PCDH11X: variants seen among roughly 807,000 people sequenced by gnomAD.
PCDH11X encodes protocadherin 11 X-linked.
In PCDH11X, 18 loss-of-function variants were observed where a neutral mutation model predicts 53.3. The observed-to-expected ratio is 0.34, with a 90% CI of 0.23 to 0.50. The LOEUF (loss-of-function observed/expected upper bound fraction) is 0.50. Among genes scored for constraint, PCDH11X ranks in the 20% least tolerant of loss-of-function variants. The pLI, the probability that PCDH11X is intolerant of heterozygous loss-of-function variation, is 0.98. For synonymous variants in PCDH11X, 279 were observed against 393.3 expected (o/e 0.71, Z 3.44); for missense variants, 570 against 1,032.4 (o/e 0.55, Z 6.14).
chrX:92,186,814 AAGAG>A (rs773037954), intron 6 of PCDH11X, among the ~76,000 whole-genome samples: 9 of 110,719 alleles, frequency 8.1e-5, no homozygotes, highest in East Asian at 5.7e-4. Context: ...AAAGAGCTAA[AAGAG>A]AGAGTTTTGA....
At chrX:92,079,502 C>T (rs2063823567) in intron 6 of PCDH11X, among the ~76,000 whole-genome samples, 1 of 110,693 alleles carries the variant, frequency 9.0e-6, no homozygotes, top group African/African-American at 3.3e-5. Context: ...ATTTAAATCC[C>T]AACTCTGATA....
At chrX:91,898,451 T>C (rs1940833174) in intron 6 of PCDH11X, among the ~76,000 whole-genome samples, 2 of 109,608 alleles carry the variant, frequency 1.8e-5, no homozygotes, top group South Asian at 7.9e-4. Context: ...ATATTGAGTA[T>C]AGCTCTGGGC....
chrX:92,519,188 T>A (rs1282004773), intron 10 of PCDH11X, among the ~76,000 whole-genome samples: 1 of 109,839 alleles, frequency 9.1e-6, no homozygotes, highest in Non-Finnish European at 1.9e-5. Context: ...ATACAATGTA[T>A]TGGCAGATGA....
At chrX:92,581,741 G>A (rs1158240656) in intron 10 of PCDH11X, among the ~76,000 whole-genome samples, 2 of 111,580 alleles carry the variant, frequency 1.8e-5, no homozygotes, top group Non-Finnish European at 3.8e-5. Flanking sequence ...GAACAGTTTG[G>A]AGGGCTCTGA....
At chrX:92,379,999 G>A (rs1361805401) in intron 8 of PCDH11X, among the ~76,000 whole-genome samples, 2 of 100,900 alleles carry the variant, frequency 2.0e-5, no homozygotes, top group African/African-American at 7.2e-5. Context: ...AACTTGCCAC[G>A]TTGGGGGTGA....
Position 91,939,401 on chromosome X carries a change from G to A in PCDH11X, c.3033+60128G>A, listed in dbSNP as rs1251334421. Among the ~76,000 whole-genome samples the A allele has an allele frequency of 3.6e-5, 4 of 110,820 alleles. No individual in the cohort carries two copies. In the East Asian group the frequency reaches 1.1e-3, roughly 32 times the overall value. ...GTGGAACTAGAGTCTAAGAAGGAGA[G>A]GAGGTGTGAGACAGGCAGAAAGAAA... is the stretch of plus-strand genomic sequence containing the variant. On this transcript the variant is annotated intron_variant, in intron 6 of 10. Coordinates refer to ENST00000682573, the MANE Select transcript of PCDH11X (RefSeq NM_032968.5).
intron 6 of PCDH11X, among the ~76,000 whole-genome samples, chrX:92,149,992 A>G (rs2065404884): frequency 8.9e-6 from 1 of 112,030 alleles, no homozygotes; most frequent in Non-Finnish European, 1.9e-5. Flanking sequence ...TCATTTATTC[A>G]TTCATCCATT....
chrX:92,186,451 G>A (rs2066097078), intron 6 of PCDH11X, among the ~76,000 whole-genome samples: 1 of 110,807 alleles, frequency 9.0e-6, no homozygotes, highest in Admixed American at 9.7e-5. Context: ...CCAACATGGA[G>A]AAACCCGTCT....
chrX:91,986,988 C>T (rs1399834741), intron 6 of PCDH11X, among the ~76,000 whole-genome samples: 2 of 109,763 alleles, frequency 1.8e-5, no homozygotes, highest in Non-Finnish European at 3.8e-5. Flanking sequence ...GTATTCAATC[C>T]AATTCACTCC....
intron 10 of PCDH11X, among the ~76,000 whole-genome samples, chrX:92,561,584 G>T (rs978085054): frequency 9.5e-6 from 1 of 105,216 alleles, no homozygotes. Flanking sequence ...TTGAAGAAAG[G>T]CTATAAAAAA....
chrX:92,077,425 TCA>T (rs2063789268), intron 6 of PCDH11X, among the ~76,000 whole-genome samples: 1 of 108,781 alleles, frequency 9.2e-6, no homozygotes, highest in South Asian at 4.1e-4. Context: ...TTCATGAACT[TCA>T]GTTTGCTTTA....
intron 5 of PCDH11X, among the ~76,000 whole-genome samples, chrX:91,849,279 G>C (rs1429666204): frequency 1.8e-5 from 2 of 110,555 alleles, no homozygotes; most frequent in African/African-American, 6.6e-5. Flanking sequence ...TTACTTTTTA[G>C]TTTTTTTAAA....
intron 7 of PCDH11X, among the ~76,000 whole-genome samples, chrX:92,255,731 G>T (rs1453731622): frequency 6.2e-5 from 7 of 112,213 alleles, no homozygotes. Flanking sequence ...CTACTGGAGG[G>T]TGCCTCCCAG....
chrX:91,900,230 G>A (rs1940903416), intron 6 of PCDH11X, among the ~76,000 whole-genome samples: 1 of 110,892 alleles, frequency 9.0e-6, no homozygotes, highest in African/African-American at 3.3e-5. Flanking sequence ...CTTAGAGGTA[G>A]GAGGAGCCCA....
intron 6 of PCDH11X, among the ~76,000 whole-genome samples, chrX:92,130,650 C>CAAA (rs34011848): frequency 1.3e-4 from 8 of 63,093 alleles, no homozygotes; most frequent in African/African-American, 4.0e-4. Context: ...AACTCTGTCT[C>CAAA]AAAAAAAAAA....
Position 91,779,388 on chromosome X carries a change from T to C in PCDH11X, c.-675T>C, listed in dbSNP as rs2147500586. On this transcript the variant is annotated 5_prime_UTR_variant, in exon 1 of 11. Transcript: ENST00000682573. ...CACTGGCTCCTTGCAGTCGGCGAACTGTCGGGGCGGGAGGAGCCGTGAGCA... is the reference window on the plus strand; with the variant it reads ...CACTGGCTCCTTGCAGTCGGCGAACCGTCGGGGCGGGAGGAGCCGTGAGCA... 1 of 110,366 alleles carries C rather than the reference T, an allele frequency of 9.1e-6. No individual in the cohort carries two copies. Among genetic ancestry groups the C allele is most frequent in the African/African-American group, 3.3e-5 (1 of 30,299 alleles). The allele number at this position is 110,366 out of a possible 1,213,427, so 9.1% of individuals were successfully genotyped here. A position where few individuals can be genotyped will look rare whatever the true frequency, so the allele number is the denominator to read the frequency against.
intron 6 of PCDH11X, among the ~76,000 whole-genome samples, chrX:91,925,114 A>AC (rs765393952): frequency 9.1e-6 from 1 of 110,229 alleles, no homozygotes; most frequent in East Asian, 2.9e-4. Flanking sequence ...ATTATGATAA[A>AC]CCCACAGTAA....
At chrX:92,315,567 C>T (rs1443694613) in intron 8 of PCDH11X, among the ~76,000 whole-genome samples, 1 of 111,226 alleles carries the variant, frequency 9.0e-6, no homozygotes. Flanking sequence ...GACAGAATCT[C>T]ACTCCTTCAC....
chrX:91,886,945 T>C (rs1459835594), intron 6 of PCDH11X, among the ~76,000 whole-genome samples: 3 of 88,118 alleles, frequency 3.4e-5, no homozygotes, highest in Non-Finnish European at 6.3e-5. Flanking sequence ...CACTCCAGCC[T>C]GGGCGACAGA....
Sources: gnomAD v4.1 joint callset for allele counts (sites outside exome capture counted in the v4.1 genomes callset) on GRCh38, gnomAD v4.1.1 for gene constraint, MANE v1.5 for transcripts, NCBI Gene and HGNC (gene_info 2026-07-23, HGNC 2026-07-21) for gene names.